LUZP2: variants seen among roughly 807,000 people sequenced by gnomAD.
LUZP2 encodes leucine zipper protein 2.
A neutral mutation model predicts 51.6 loss-of-function variants in LUZP2; 52 were observed. The observed-to-expected ratio is 1.01, with a 90% CI of 0.81 to 1.27. LUZP2 has a LOEUF of 1.27. LUZP2 is among the 50% of genes most tolerant of loss of function. The probability of loss-of-function intolerance (pLI) is 0.00; values close to 1 mark genes in which losing one functional copy is unlikely to be tolerated. For missense variants in LUZP2, 436 were observed against 395.4 expected (o/e 1.10, Z -0.87); for synonymous variants, 154 against 137.3 (o/e 1.12, Z -0.85).
chr11:24,873,246 T>C (rs1051094599), intron 5 of LUZP2, among the ~76,000 whole-genome samples: 1 of 152,162 alleles, frequency 6.6e-6, no homozygotes, highest in Non-Finnish European at 1.5e-5. Context: ...GAAAGTGAAA[T>C]GGTATTTAGT....
chr11:24,566,491 G>A (rs1426128686), intron 1 of LUZP2, among the ~76,000 whole-genome samples: 1 of 148,410 alleles, frequency 6.7e-6, no homozygotes, highest in Admixed American at 6.7e-5. Context: ...ACCATGCCCA[G>A]ATAATTTAAT....
intron 1 of LUZP2, among the ~76,000 whole-genome samples, chr11:24,499,310 A>G (rs887788048): frequency 1.3e-5 from 2 of 152,220 alleles, no homozygotes; most frequent in African/African-American, 4.8e-5. Context: ...GTGATATTGA[A>G]CAAATATGAA....
At chr11:24,599,818 TA>T (rs202163840) in intron 1 of LUZP2, among the ~76,000 whole-genome samples, 14 of 151,964 alleles carry the variant, frequency 9.2e-5, no homozygotes, top group East Asian at 3.9e-4. Flanking sequence ...GAAAAGTACG[TA>T]AAAAAAACAA....
intron 8 of LUZP2, among the ~76,000 whole-genome samples, chr11:24,980,695 A>G (rs1272486706): frequency 6.6e-6 from 1 of 151,738 alleles, no homozygotes; most frequent in Admixed American, 6.6e-5. Context: ...TATAATAACA[A>G]CTTTAGGAAA....
intron 1 of LUZP2, among the ~76,000 whole-genome samples, chr11:24,630,670 C>A (rs545482403): frequency 8.7e-6 from 1 of 114,366 alleles, no homozygotes; most frequent in Non-Finnish European, 1.8e-5. Flanking sequence ...TTGGCTATTC[C>A]GACTTTTTTT....
At chr11:24,656,065 G>A (rs567032049) in intron 1 of LUZP2, among the ~76,000 whole-genome samples, 2 of 152,232 alleles carry the variant, frequency 1.3e-5, no homozygotes, top group Non-Finnish European at 2.9e-5. Flanking sequence ...AGGGATGAAG[G>A]CAAATATCTG....
intron 1 of LUZP2, among the ~76,000 whole-genome samples, chr11:24,682,050 A>G (rs1032282954): frequency 3.9e-5 from 6 of 152,342 alleles, no homozygotes; most frequent in South Asian, 4.1e-4. Context: ...TAAAAAGTTT[A>G]TCTCAGAATA....
intron 1 of LUZP2, among the ~76,000 whole-genome samples, chr11:24,601,391 A>G (rs1853630377): frequency 6.6e-6 from 1 of 152,000 alleles, no homozygotes; most frequent in Admixed American, 6.6e-5. Context: ...AAATTGGTGG[A>G]GTTAACAATT....
intron 7 of LUZP2, among the ~76,000 whole-genome samples, chr11:24,957,942 C>T (rs867791503): frequency 2.0e-5 from 3 of 152,186 alleles, no homozygotes; most frequent in Non-Finnish European, 4.4e-5. Context: ...TGATGTTCCC[C>T]TTCCTGTGTC....
chr11:25,008,145 C>T (rs1312370040), intron 9 of LUZP2, among the ~76,000 whole-genome samples: 1 of 152,202 alleles, frequency 6.6e-6, no homozygotes. Flanking sequence ...GCTTGCTCTG[C>T]CCACTCGGCC....
intron 5 of LUZP2, among the ~76,000 whole-genome samples, chr11:24,816,227 G>A (rs1025126230): frequency 3.9e-5 from 6 of 152,036 alleles, no homozygotes; most frequent in South Asian, 2.1e-4. Flanking sequence ...ATTTTCCTCT[G>A]TGAGGCTTTT....
At position 24,522,047 on chromosome 11, in the gene LUZP2, G is replaced by T. The variant is rs146226100; in HGVS notation, c.62+24742G>T. On this transcript the variant is annotated intron_variant, in intron 1 of 11. Coordinates refer to ENST00000336930, the MANE Select transcript of LUZP2 (RefSeq NM_001009909.4). ...AACATTTGGCAATAACTGACCACGA[G>T]ATTCTCTACAAATAAAAATGGCTAC... 8.3e-4 allele frequency among the ~76,000 whole-genome samples: 127 copies of T among 152,210 alleles called. 2 individuals carry two copies. In the East Asian group the frequency reaches 0.023, roughly 27 times the overall value.
chr11:24,834,362 T>C (rs952229078), intron 5 of LUZP2, among the ~76,000 whole-genome samples: 1 of 152,292 alleles, frequency 6.6e-6, no homozygotes, highest in Admixed American at 6.5e-5. Context: ...TTTCTGTTCC[T>C]GTATTAGTCT....
intron 1 of LUZP2, among the ~76,000 whole-genome samples, chr11:24,551,939 A>G (rs1851736934): frequency 6.6e-6 from 1 of 152,018 alleles, no homozygotes; most frequent in Admixed American, 6.6e-5. Context: ...ACACACAAAC[A>G]GAACAACTAC....
At chr11:25,012,553 A>G (rs1360193827) in intron 9 of LUZP2, among the ~76,000 whole-genome samples, 1 of 152,160 alleles carries the variant, frequency 6.6e-6, no homozygotes, top group Non-Finnish European at 1.5e-5. Flanking sequence ...TGACACCACT[A>G]CTGAGGCAGT....
At chr11:25,056,230 C>T (rs1858680973) in intron 10 of LUZP2, among the ~76,000 whole-genome samples, 1 of 151,982 alleles carries the variant, frequency 6.6e-6, no homozygotes, top group South Asian at 2.1e-4. Flanking sequence ...AAAATGAACT[C>T]TTAATGAAAA....
Position 24,809,448 on chromosome 11 carries a change from G to A in LUZP2, c.396+46140G>A, listed in dbSNP as rs1002766987. On this transcript the variant is annotated intron_variant, in intron 5 of 11. Coordinates refer to ENST00000336930, the MANE Select transcript of LUZP2 (RefSeq NM_001009909.4). The stretch of plus-strand genomic sequence containing the variant: ...TTTCAGCATCTCACCTAAATCTGCC[G>A]CCCCAAGTTCCAAGGACATGTTTCC... Among the ~76,000 whole-genome samples, 19 of 151,964 alleles carry A rather than the reference G, an allele frequency of 1.3e-4. No individual in the cohort carries two copies. In the East Asian group the frequency reaches 2.5e-3, roughly 20 times the overall value.
chr11:24,535,955 G>C (rs984659983), intron 1 of LUZP2, among the ~76,000 whole-genome samples: 4 of 151,422 alleles, frequency 2.6e-5, no homozygotes, highest in Non-Finnish European at 5.9e-5. Context: ...TTGATCCCTG[G>C]GCTATAGGAT....
At chr11:24,534,806 A>G (rs1851121848) in intron 1 of LUZP2, among the ~76,000 whole-genome samples, 1 of 151,492 alleles carries the variant, frequency 6.6e-6, no homozygotes, top group Non-Finnish European at 1.5e-5. Flanking sequence ...GATGCTGTGC[A>G]TAATGTGCTT....
Sources: gnomAD v4.1 joint callset for allele counts (sites outside exome capture counted in the v4.1 genomes callset) on GRCh38, gnomAD v4.1.1 for gene constraint, MANE v1.5 for transcripts, NCBI Gene and HGNC (gene_info 2026-07-23, HGNC 2026-07-21) for gene names.